Variants in CLASP2 observed in about 807,000 individuals in gnomAD.
CLASP2 encodes cytoplasmic linker associated protein 2, also known as CLIP-associating protein 2.
A neutral mutation model predicts 194.4 loss-of-function variants in CLASP2; 47 were observed. The observed-to-expected ratio is 0.24, with a 90% CI of 0.19 to 0.31. CLASP2 has a LOEUF of 0.31. Ranked by LOEUF, CLASP2 falls within the 10% of genes least tolerant of loss-of-function variation. The pLI is 1.00. For missense variants in CLASP2, 1,445 were observed against 1,823.6 expected, an observed-to-expected ratio of 0.79 and a Z score of 3.78; for synonymous variants, 619 against 633.5, an observed-to-expected ratio of 0.98 and a Z score of 0.34.
chr3:33,608,769 G>A, intron 13 of CLASP2, 143 bp from the exon 14 acceptor site: 2 of 359,662 alleles, frequency 5.6e-6, no homozygotes, highest in Non-Finnish European at 8.9e-6. Context: ...TTTTTTTTTT[G>A]GAGACAGAGT....
chr3:33,584,577 A>G (rs1214849651), intron 22 of CLASP2, among the ~76,000 whole-genome samples, 173 bp downstream of exon 22: 1 of 151,688 alleles, frequency 6.6e-6, no homozygotes, highest in Non-Finnish European at 1.5e-5. Flanking sequence ...TGAATTACAC[A>G]TTTAAGATAC....
At chr3:33,588,073 G>T (rs759232414) in intron 21 of CLASP2, among the ~76,000 whole-genome samples, 1 of 151,958 alleles carries the variant, frequency 6.6e-6, no homozygotes, top group Non-Finnish European at 1.5e-5. Context: ...TTATGCAAGC[G>T]CACTCTACAA....
At chr3:33,686,615 A>G (rs1442782047) in intron 5 of CLASP2, among the ~76,000 whole-genome samples, 1 of 152,218 alleles carries the variant, frequency 6.6e-6, no homozygotes, top group Non-Finnish European at 1.5e-5. Flanking sequence ...TGGTATAGAC[A>G]GTTCAGATAA....
At position 33,569,275 on chromosome 3, in the gene CLASP2, A is replaced by G. The variant is rs532124145; in HGVS notation, c.2763+1452T>C. 3.9e-5 allele frequency among the ~76,000 whole-genome samples: 6 copies of G among 152,334 alleles called. No individual in the cohort carries two copies. In the South Asian group the frequency reaches 1.2e-3, roughly 32 times the overall value. On this transcript the variant is annotated intron_variant, in intron 26 of 38. Coordinates refer to ENST00000682230, the MANE Select transcript of CLASP2 (RefSeq NM_001365631.1). The stretch of plus-strand genomic sequence containing the variant: ...TTTAAAAAAGTTTGTCTTTATCACT[A>G]TACATCATGGCATCCAACCAAACTG...
At chr3:33,713,430 T>C (rs1196680639) in intron 1 of CLASP2, among the ~76,000 whole-genome samples, 2 of 152,162 alleles carry the variant, frequency 1.3e-5, no homozygotes, top group South Asian at 4.1e-4. Context: ...TGTTCACCTA[T>C]ATGGCAGGTA....
intron 1 of CLASP2, among the ~76,000 whole-genome samples, chr3:33,708,886 C>T (rs2092862067): frequency 6.6e-6 from 1 of 152,102 alleles, no homozygotes; most frequent in South Asian, 2.1e-4. Context: ...AGCAGACATC[C>T]TAACTGGTAT....
At chr3:33,550,593 G>C (rs1304673487) in intron 30 of CLASP2, among the ~76,000 whole-genome samples, 1 of 151,230 alleles carries the variant, frequency 6.6e-6, no homozygotes. Flanking sequence ...TTGAGCATAT[G>C]AAAAATAATA....
At chr3:33,630,473 G>A (rs538730521) in intron 9 of CLASP2, among the ~76,000 whole-genome samples, 1 of 152,186 alleles carries the variant, frequency 6.6e-6, no homozygotes, top group East Asian at 1.9e-4. Flanking sequence ...AAGTAATAAT[G>A]AGGAGTGCAA....
intron 18 of CLASP2, 166 bp downstream of exon 18, chr3:33,602,786 G>T (rs1449703138): frequency 1.3e-6 from 1 of 741,992 alleles, no homozygotes; most frequent in Admixed American, 2.1e-5. Context: ...GAGAAACAAG[G>T]CAGCTCAGAT....
intron 26 of CLASP2, among the ~76,000 whole-genome samples, 193 bp downstream of exon 26, chr3:33,570,534 T>C (rs1433999274): frequency 6.6e-6 from 1 of 152,318 alleles, no homozygotes; most frequent in East Asian, 1.9e-4. Flanking sequence ...AGACCATCTA[T>C]CATTGGAGAA....
rs532886994 is a variant in CLASP2 at position 33,688,304 on chromosome 3, C to T, written c.443G>A (p.Cys148Tyr). 2 of 1,590,034 alleles carry T rather than the reference C, an allele frequency of 1.3e-6. No homozygotes were observed. Among genetic ancestry groups the T allele is most frequent in the South Asian group, 1.2e-5 (1 of 86,944 alleles). The change falls in exon 4 of 39, where the codon TGT (cysteine) becomes TAT (tyrosine). Residue 148 changes from cysteine to tyrosine, a missense_variant. Physicochemically the swap from Cys to Tyr is radical, Grantham distance 194 (BLOSUM62 -2). This residue lies in a region of CLASP2 where 332 missense variants were observed against 325.3 expected (regional missense o/e 1.02). Coordinates refer to ENST00000682230, the MANE Select transcript of CLASP2 (RefSeq NM_001365631.1). Reference protein sequence around the residue: ...HKNFRSREGVCLCLIETLNIF... With the variant: ...HKNFRSREGVYLCLIETLNIF... ...GTTTAAGGTTTCAATAAGACACAGACACACGCCTTCTCGAGATCGAAAATT... is the reference window on the plus strand; with the variant it reads ...GTTTAAGGTTTCAATAAGACACAGATACACGCCTTCTCGAGATCGAAAATT...
intron 28 of CLASP2, among the ~76,000 whole-genome samples, chr3:33,559,702 G>A (rs554768588): frequency 4.6e-5 from 7 of 152,148 alleles, no homozygotes; most frequent in South Asian, 2.1e-4. Context: ...CGAGACCAGC[G>A]TGACCAACAT....
intron 8 of CLASP2, among the ~76,000 whole-genome samples, chr3:33,634,361 T>G (rs2079696978): frequency 6.6e-6 from 1 of 152,208 alleles, no homozygotes; most frequent in Admixed American, 6.5e-5. Flanking sequence ...AAACTTTATC[T>G]ATAAAGGGCC....
At chr3:33,693,737 G>A (rs541382517) in intron 2 of CLASP2, among the ~76,000 whole-genome samples, 1 of 152,256 alleles carries the variant, frequency 6.6e-6, no homozygotes, top group East Asian at 1.9e-4. Flanking sequence ...TTACCCTAAA[G>A]TAATAACAAG....
At chr3:33,528,030 T>C (rs535060990) in intron 34 of CLASP2, among the ~76,000 whole-genome samples, 52 of 152,122 alleles carry the variant, frequency 3.4e-4, no homozygotes, top group African/African-American at 1.2e-3. Flanking sequence ...TGAACATCAA[T>C]GCAAAATCCT....
At chr3:33,511,033 T>C (rs1038905882) in intron 36 of CLASP2, among the ~76,000 whole-genome samples, 2 of 146,210 alleles carry the variant, frequency 1.4e-5, no homozygotes, top group Admixed American at 1.4e-4. Context: ...CTAAAGTATT[T>C]TTTTTTTTTT....
chr3:33,615,232 G>A lies in CLASP2; in HGVS notation c.1318-3161C>T, dbSNP rs557625697. Among the ~76,000 whole-genome samples the A allele has an allele frequency of 4.6e-5, 7 of 152,050 alleles. No homozygotes were observed. In the South Asian group the frequency reaches 6.2e-4, roughly 14 times the overall value. ...TAAAAAACTACAGTTAATTACAGTT[G>A]CTGAAAATGAAAATATCTTTGTTAA... On this transcript the variant is annotated intron_variant, in intron 12 of 38. Coordinates refer to ENST00000682230, the MANE Select transcript of CLASP2 (RefSeq NM_001365631.1).
chr3:33,599,383 A>T (rs1466161630), intron 18 of CLASP2, among the ~76,000 whole-genome samples: 1 of 152,088 alleles, frequency 6.6e-6, no homozygotes, highest in Non-Finnish European at 1.5e-5. Context: ...TCAACCTCCC[A>T]AAGTGCTGGG....
At chr3:33,670,242 T>C (rs1235327382) in intron 6 of CLASP2, among the ~76,000 whole-genome samples, 2 of 152,154 alleles carry the variant, frequency 1.3e-5, no homozygotes, top group Non-Finnish European at 2.9e-5. Context: ...GAAGTCAGGA[T>C]TGTGGTTACT....
Sources: gnomAD v4.1 joint callset for allele counts (sites outside exome capture counted in the v4.1 genomes callset) on GRCh38, gnomAD v4.1.1 for gene constraint, gnomAD v4.1.1 regional missense constraint, MANE v1.5 for transcripts, NCBI Gene and HGNC (gene_info 2026-07-23, HGNC 2026-07-21) for gene names.